Variants in RAD18 observed in about 807,000 individuals in gnomAD.
RAD18 encodes E3 ubiquitin-protein ligase RAD18.
In RAD18, 47 loss-of-function variants were observed where a neutral mutation model predicts 60.4. The ratio of observed to expected loss-of-function variants is 0.78; its 90% CI spans 0.62 to 0.99. The LOEUF (loss-of-function observed/expected upper bound fraction) is 0.99. Among genes scored for constraint, RAD18 ranks in the 50% least tolerant of loss-of-function variants. The pLI is 0.00. For synonymous variants in RAD18, 225 were observed against 195.5 expected, an observed-to-expected ratio of 1.15 and a Z score of -1.26; for missense variants, 640 against 593.3, an observed-to-expected ratio of 1.08 and a Z score of -0.82.
intron 12 of RAD18, among the ~76,000 whole-genome samples, chr3:8,885,094 T>A (rs889254408): frequency 4.6e-5 from 7 of 152,208 alleles, no homozygotes; most frequent in Non-Finnish European, 1.0e-4. Flanking sequence ...CCATTCATCA[T>A]CAGCCTGCTT....
intron 6 of RAD18, among the ~76,000 whole-genome samples, chr3:8,937,330 C>T (rs1281116654): frequency 6.6e-6 from 1 of 151,026 alleles, no homozygotes; most frequent in African/African-American, 2.4e-5. Context: ...CTGGCATTTA[C>T]AATAAAAAGC....
intron 6 of RAD18, among the ~76,000 whole-genome samples, chr3:8,936,298 G>A (rs928451409): frequency 1.3e-5 from 2 of 152,110 alleles, no homozygotes; most frequent in Non-Finnish European, 2.9e-5. Context: ...AGAGACTTGG[G>A]TCTCAAAAAG....
At chr3:8,945,441 C>A (rs1355395676) in intron 4 of RAD18, among the ~76,000 whole-genome samples, 1 of 148,820 alleles carries the variant, frequency 6.7e-6, no homozygotes. Flanking sequence ...CTGTGTGGGC[C>A]TAGGCTAATG....
intron 10 of RAD18, 58 bp from the exon 11 acceptor site, chr3:8,899,105 C>T: frequency 2.2e-6 from 3 of 1,345,792 alleles, no homozygotes; most frequent in Non-Finnish European, 3.1e-6. Context: ...ATGCCTATTA[C>T]TTCTGCAACA....
intron 7 of RAD18, among the ~76,000 whole-genome samples, chr3:8,928,312 C>A (rs1271472547): frequency 6.6e-6 from 1 of 151,954 alleles, no homozygotes; most frequent in Non-Finnish European, 1.5e-5. Flanking sequence ...AGCAAGATGG[C>A]AGATATAAAC....
chr3:8,900,820 T>C (rs1206399215), intron 10 of RAD18, among the ~76,000 whole-genome samples: 3 of 152,180 alleles, frequency 2.0e-5, no homozygotes, highest in Non-Finnish European at 4.4e-5. Flanking sequence ...AGACATCTCA[T>C]TCATGCACAG....
At chr3:8,914,299 G>A (rs774009156) in intron 7 of RAD18, among the ~76,000 whole-genome samples, 9 of 152,140 alleles carry the variant, frequency 5.9e-5, no homozygotes, top group Non-Finnish European at 8.8e-5. Flanking sequence ...TGCATCCAAA[G>A]TCAATACATT....
intron 9 of RAD18, among the ~76,000 whole-genome samples, chr3:8,908,288 T>C (rs1216460999): frequency 1.3e-5 from 2 of 149,664 alleles, no homozygotes; most frequent in African/African-American, 2.6e-5. Flanking sequence ...TTTTTTTCTT[T>C]TCTAAGTGAG....
chr3:8,947,979 T>C (rs911334417), intron 3 of RAD18, among the ~76,000 whole-genome samples: 3 of 152,210 alleles, frequency 2.0e-5, no homozygotes, highest in Non-Finnish European at 4.4e-5. Context: ...GTCTCTTCTT[T>C]CTTTATTCCC....
At chr3:8,949,631 C>T (rs987821860) in intron 2 of RAD18, among the ~76,000 whole-genome samples, 17 of 151,988 alleles carry the variant, frequency 1.1e-4, no homozygotes, top group Admixed American at 4.6e-4. Flanking sequence ...AGCAGAAAAG[C>T]AGGGTCACAG....
chr3:8,929,786 C>T (rs1456812324), intron 7 of RAD18, among the ~76,000 whole-genome samples: 1 of 152,094 alleles, frequency 6.6e-6, no homozygotes, highest in Admixed American at 6.5e-5. Context: ...GGATTACAGG[C>T]GCCTGCCACC....
At chr3:8,909,139 G>A (rs1182845574) in intron 9 of RAD18, among the ~76,000 whole-genome samples, 2 of 152,184 alleles carry the variant, frequency 1.3e-5, no homozygotes, top group Non-Finnish European at 2.9e-5. Context: ...CCCTAAAACA[G>A]TGAAGGACTT....
At chr3:8,933,699 A>G (rs1940601118) in intron 7 of RAD18, among the ~76,000 whole-genome samples, 1 of 152,242 alleles carries the variant, frequency 6.6e-6, no homozygotes, top group Non-Finnish European at 1.5e-5. Context: ...ATCAAAGACA[A>G]AAAAGGGGAC....
intron 2 of RAD18, among the ~76,000 whole-genome samples, chr3:8,950,087 G>A (rs1333740680): frequency 6.6e-6 from 1 of 152,132 alleles, no homozygotes; most frequent in African/African-American, 2.4e-5. Flanking sequence ...CTGGAGTACA[G>A]TGGCGCAATC....
rs896492303 is a variant in RAD18, at chr3:8,949,675, G to GGA, written c.134-1106_134-1105insTC. On this transcript the variant is annotated intron_variant, in intron 2 of 12. Coordinates refer to ENST00000264926, the MANE Select transcript of RAD18 (RefSeq NM_020165.4). ...GCTCTCCCCGAACTGGAGAGAGAGAGGGGGGTAATACAGACAATCACAACT... is the reference window on the plus strand; with the variant it reads ...GCTCTCCCCGAACTGGAGAGAGAGAGGAGGGGGTAATACAGACAATCACAACT... 1.1e-3 allele frequency among the ~76,000 whole-genome samples: 140 copies of GGA among 130,132 alleles called. 1 individual carries two copies. In the Middle Eastern group the frequency reaches 0.011, roughly 10 times the overall value. 85.4% of individuals were successfully genotyped at this position (130,132 alleles called of 152,430 possible). A position where few individuals can be genotyped will look rare whatever the true frequency, so the allele number is the denominator to read the frequency against.
chr3:8,954,956 C>A (rs77319001), intron 2 of RAD18, among the ~76,000 whole-genome samples: 2 of 152,062 alleles, frequency 1.3e-5, no homozygotes, highest in Non-Finnish European at 2.9e-5. Flanking sequence ...AAAAAAAGTG[C>A]TCATAAAATA....
intron 4 of RAD18, among the ~76,000 whole-genome samples, chr3:8,943,828 A>G (rs988019951): frequency 1.3e-5 from 2 of 152,198 alleles, no homozygotes; most frequent in Non-Finnish European, 2.9e-5. Flanking sequence ...GATAGCATGA[A>G]GGGTTGCCAA....
chr3:8,949,377 A>T lies in RAD18; in HGVS notation c.134-807T>A, dbSNP rs369183211. 4.6e-5 allele frequency among the ~76,000 whole-genome samples: 7 copies of T among 152,188 alleles called. No homozygotes were observed. The East Asian group carries it at 5.8e-4, about 13-fold the overall frequency. On this transcript the variant is annotated intron_variant, in intron 2 of 12. Transcript: ENST00000264926. ...GTTTAGTTGAGGAGGAGACAGCATAATTTCAATGGTATGGATATCCAGGAA... is the reference window on the plus strand; with the variant it reads ...GTTTAGTTGAGGAGGAGACAGCATATTTTCAATGGTATGGATATCCAGGAA...
intron 7 of RAD18, among the ~76,000 whole-genome samples, chr3:8,930,527 C>T (rs967488782): frequency 1.4e-4 from 22 of 152,082 alleles, no homozygotes; most frequent in African/African-American, 5.3e-4. Context: ...ACTGTATGTA[C>T]ACTTCAGGTG....
Sources: allele counts gnomAD v4.1 joint callset (sites outside exome capture counted in the v4.1 genomes callset), GRCh38; gene constraint gnomAD v4.1.1; transcripts MANE v1.5; gene names NCBI Gene and HGNC (gene_info 2026-07-23, HGNC 2026-07-21).